EPB41L1: variants seen among roughly 807,000 people sequenced by gnomAD.
The protein encoded by EPB41L1 is band 4.1-like protein 1.
A neutral mutation model predicts 97.8 loss-of-function variants in EPB41L1; 29 were observed. The ratio of observed to expected loss-of-function variants is 0.30; its 90% CI spans 0.22 to 0.40. The LOEUF (loss-of-function observed/expected upper bound fraction) is 0.40, where lower values mean the gene tolerates loss of function less well. Ranked by LOEUF, EPB41L1 falls within the 10% of genes least tolerant of loss-of-function variation. EPB41L1 has a pLI of 1.00. For synonymous variants in EPB41L1, 383 were observed against 459.2 expected (o/e 0.83, Z 2.12); for missense variants, 812 against 1,162.3 (o/e 0.70, Z 4.38).
Position 36,188,581 on chromosome 20 carries a change from AACACACACACACACACACACACACACAC to A in EPB41L1, c.1026+116_1026+143del, listed in dbSNP as rs55990020. Reference sequence around the variant, plus strand: ...CCCTGGCAGCTGGGCCTGGACTGCCAACACACACACACACACACACACACACACACACACACACACACACACACACACA... The same window carrying A: ...CCCTGGCAGCTGGGCCTGGACTGCCAACACACACACACACACACACACACA... On this transcript the variant is annotated intron_variant, in intron 9 of 21. Transcript: ENST00000338074. 3.1e-3 allele frequency: 1,463 copies of A among 467,150 alleles called. 7 individuals carry two copies. Among genetic ancestry groups the A allele is most frequent in the South Asian group, 4.9e-3 (274 of 56,016 alleles). The allele number at this position is 467,150 out of a possible 1,614,324, so 28.9% of individuals were successfully genotyped here. A position where few individuals can be genotyped will look rare whatever the true frequency, so the allele number is the denominator to read the frequency against.
At chr20:36,104,056 G>A (rs1302663969) in intron 1 of EPB41L1, among the ~76,000 whole-genome samples, 4 of 152,142 alleles carry the variant, frequency 2.6e-5, no homozygotes, top group Non-Finnish European at 1.5e-5. Flanking sequence ...TGTGCTGCGG[G>A]GGCCAGGGTG....
chr20:36,185,382 G>A, intron 7 of EPB41L1, 47 bp downstream of exon 7: 1 of 1,568,804 alleles, frequency 6.4e-7, no homozygotes, highest in Non-Finnish European at 8.7e-7. Flanking sequence ...TGGCCAGTGG[G>A]AGCCTTCCTT....
Position 36,190,197 on chromosome 20 carries a change from A to G in EPB41L1, c.1027-80A>G. ...TGTCTCAAAAAAACATTAAACAAAT[A>G]AAATAAAAAACACAAAGAATGGGCT... is the stretch of plus-strand genomic sequence containing the variant. On this transcript the variant is annotated intron_variant, in intron 9 of 21. Transcript: ENST00000338074. The surrounding 1 kb of genome is among the most constrained non-coding windows in gnomAD (Gnocchi z 5.8). 1.7e-6 allele frequency: 2 copies of G among 1,187,406 alleles called. No individual in the cohort carries two copies. Among genetic ancestry groups the G allele is most frequent in the Non-Finnish European group, 1.2e-6 (1 of 808,638 alleles). The allele number at this position is 1,187,406 out of a possible 1,614,324, so 73.6% of individuals were successfully genotyped here.
intron 11 of EPB41L1, among the ~76,000 whole-genome samples, chr20:36,192,017 G>A (rs1162623966): frequency 6.6e-6 from 1 of 152,090 alleles, no homozygotes; most frequent in Non-Finnish European, 1.5e-5. Flanking sequence ...CCTGAGGTCA[G>A]GAGTTCGAGA....
chr20:36,214,508 G>C (rs1396633668), intron 17 of EPB41L1, 68 bp downstream of exon 17: 47 of 1,308,244 alleles, frequency 3.6e-5, no homozygotes, highest in Non-Finnish European at 4.6e-5. Context: ...CAGAGAACAA[G>C]CTAACATCGC....
At chr20:36,110,010 C>T (rs1045669023) in intron 1 of EPB41L1, 7 of 151,110 alleles carry the variant, frequency 4.6e-5, no homozygotes, top group East Asian at 1.9e-4. Context: ...GGCGCAATCT[C>T]GGCTCACCGC....
upstream of EPB41L1, chr20:36,152,756 T>C: frequency 5.9e-6 from 2 of 339,504 alleles, no homozygotes; most frequent in Non-Finnish European, 1.2e-5. Context: ...GAGCACCTTG[T>C]GTGGCAAAGT....
At chr20:36,111,049 T>C (rs1269461492) in intron 1 of EPB41L1, among the ~76,000 whole-genome samples, 2 of 152,212 alleles carry the variant, frequency 1.3e-5, no homozygotes, top group African/African-American at 4.8e-5. Flanking sequence ...TGCTACCTTT[T>C]GGACAGTTGT....
rs2057696076 is a variant in EPB41L1, at chr20:36,092,823, ACCCGCCGTCCCCCTCCGCGTCCCGGGGAC to A, written c.-65+1219_-65+1247del. On this transcript the variant is annotated intron_variant, in intron 1 of 19. Coordinates refer to the EPB41L1 transcript ENST00000202028. The surrounding 1 kb of genome is among the most constrained non-coding windows in gnomAD (Gnocchi z 7.0). ...GCGCCGCCGCCGCCAGGTTAGCCGCACCCGCCGTCCCCCTCCGCGTCCCGGGGACCCCGCCGCGTCGGGTCCCGCGTGTG... is the reference window on the plus strand; with the variant it reads ...GCGCCGCCGCCGCCAGGTTAGCCGCACCCGCCGCGTCGGGTCCCGCGTGTG... 6.6e-6 allele frequency: 1 copy of A among 152,256 alleles called. No individual in the cohort carries two copies. The highest frequency in any genetic ancestry group is 2.4e-5 in the African/African-American group (1 of 41,312). 9.4% of individuals were successfully genotyped at this position (152,256 alleles called of 1,614,324 possible).
chr20:36,185,377 A>AGT (rs780851676), intron 7 of EPB41L1, 42 bp downstream of exon 7: 1 of 1,570,888 alleles, frequency 6.4e-7, no homozygotes, highest in South Asian at 1.1e-5. Context: ...CTCCTTGGCC[A>AGT]GTGGGAGCCT....
intron 2 of EPB41L1, among the ~76,000 whole-genome samples, chr20:36,118,345 C>G (rs1253712097): frequency 1.3e-5 from 2 of 150,352 alleles, no homozygotes; most frequent in African/African-American, 4.9e-5. Context: ...ACTACAAGAA[C>G]AAGACTCCAT....
rs1178776298 is a variant in EPB41L1 at position 36,197,924 on chromosome 20, C to A, written c.1551C>A (p.Thr517=). The change falls in exon 14 of 22, where the codon ACC becomes ACA. Residue 517 remains threonine (T), a synonymous_variant. Coordinates refer to ENST00000338074, the MANE Select transcript of EPB41L1 (RefSeq NM_012156.2). ...HQASINELKR[T]LKEPNSKLIH... is the part of the protein sequence containing the mutation. ...CCAGCATCAATGAGCTCAAAAGGACCCTGAAGGAGCCCAACAGCAAACTCA... is the reference window on the plus strand; with the variant it reads ...CCAGCATCAATGAGCTCAAAAGGACACTGAAGGAGCCCAACAGCAAACTCA... The A allele has an allele frequency of 5.0e-6, 8 of 1,614,010 alleles. No homozygotes were observed. Among genetic ancestry groups the A allele is most frequent in the African/African-American group, 1.3e-5 (1 of 74,884 alleles).
At chr20:36,178,497 C>G in intron 4 of EPB41L1, 133 bp from the exon 5 acceptor site, 1 of 908,102 alleles carries the variant, frequency 1.1e-6, no homozygotes, top group South Asian at 1.3e-5. Flanking sequence ...GAAAAGGAAC[C>G]AAGAGGCTTA....
At chr20:36,187,351 T>G (rs1334504497) in intron 7 of EPB41L1, among the ~76,000 whole-genome samples, 1 of 152,198 alleles carries the variant, frequency 6.6e-6, no homozygotes, top group Admixed American at 6.5e-5. Flanking sequence ...AACAATGGTT[T>G]TACAGTCATG....
Position 36,212,397 on chromosome 20 carries a change from T to G in EPB41L1, c.2184+21T>G. 6.3e-7 allele frequency: 1 copy of G among 1,599,880 alleles called. No individual in the cohort carries two copies. Among genetic ancestry groups the G allele is most frequent in the Non-Finnish European group, 8.6e-7 (1 of 1,167,112 alleles). On this transcript the variant is annotated intron_variant, in intron 16 of 21. Transcript: ENST00000338074. The surrounding 1 kb of genome is among the most constrained non-coding windows in gnomAD (Gnocchi z 4.8). Reference sequence around the variant, plus strand: ...CCCAGGTAACTTGTGCCTTCCAATGTACCCTAAGCATGGGTATTGGGCATT... The same window carrying G: ...CCCAGGTAACTTGTGCCTTCCAATGGACCCTAAGCATGGGTATTGGGCATT...
chr20:36,131,800 T>C (rs935620538), intron 2 of EPB41L1, among the ~76,000 whole-genome samples: 1 of 152,194 alleles, frequency 6.6e-6, no homozygotes, highest in African/African-American at 2.4e-5. Context: ...GTGCTCTCTT[T>C]CCCTGATGCC....
At chr20:36,177,063 C>T (rs2061272468) in intron 3 of EPB41L1, among the ~76,000 whole-genome samples, 1 of 152,174 alleles carries the variant, frequency 6.6e-6, no homozygotes, top group African/African-American at 2.4e-5. Context: ...TAGAAGTGCA[C>T]AAAGCATTTG....
Position 36,190,739 on chromosome 20 carries a change from A to G in EPB41L1, c.1242A>G (p.Ala414=), listed in dbSNP as rs574706898. The G allele has an allele frequency of 6.2e-7, 1 of 1,614,032 alleles. No individual in the cohort carries two copies. The highest frequency in any genetic ancestry group is 1.7e-5 in the Admixed American group (1 of 60,012). The part of the protein sequence containing the change: ...RQASALIDRP[A]PFFERSSSKR... ...CCAGCGCCCTCATTGACCGGCCTGC[A>G]CCCTTCTTTGAGCGTTCTTCCAGCA... The change falls in exon 11 of 22, where the codon GCA becomes GCG. Residue 414 remains alanine, a synonymous_variant. Coordinates refer to ENST00000338074, the MANE Select transcript of EPB41L1 (RefSeq NM_012156.2). The surrounding 1 kb of genome is among the most constrained non-coding windows in gnomAD (Gnocchi z 5.8).
chr20:36,220,136 G>A (rs768654252), intron 19 of EPB41L1, among the ~76,000 whole-genome samples: 1 of 152,272 alleles, frequency 6.6e-6, no homozygotes, highest in African/African-American at 2.4e-5. Flanking sequence ...GAATCTAGAC[G>A]GGGTGACATA....
Sources: gnomAD v4.1 joint callset for allele counts (sites outside exome capture counted in the v4.1 genomes callset) on GRCh38, gnomAD v4.1.1 for gene constraint, Gnocchi (gnomAD v3.1) non-coding constraint, MANE v1.5 for transcripts, NCBI Gene and HGNC (gene_info 2026-07-23, HGNC 2026-07-21) for gene names.